The following FTO variants were observed in gnomAD, a reference collection of about 807,000 sequenced individuals.
The protein encoded by FTO is alpha-ketoglutarate-dependent dioxygenase FTO.
A neutral mutation model predicts 63.9 loss-of-function variants in FTO; 47 were observed. That is an observed-to-expected ratio of 0.74 (90% CI 0.58 to 0.94). The LOEUF (loss-of-function observed/expected upper bound fraction) is 0.94, where lower values mean the gene tolerates loss of function less well. Ranked by LOEUF, FTO falls within the 40% of genes least tolerant of loss-of-function variation. The pLI is 0.00. For synonymous variants in FTO, 207 were observed against 224.4 expected (o/e 0.92, Z 0.69); for missense variants, 562 against 618.1 (o/e 0.91, Z 0.96).
At chr16:53,971,475 T>C (rs1372536846) in intron 8 of FTO, among the ~76,000 whole-genome samples, 5 of 152,240 alleles carry the variant, frequency 3.3e-5, no homozygotes, top group Admixed American at 3.3e-4. Context: ...TGGACTTCAT[T>C]GATGTTTGAG....
chr16:53,957,239 A>G (rs2082951991), intron 8 of FTO, among the ~76,000 whole-genome samples: 1 of 152,244 alleles, frequency 6.6e-6, no homozygotes, highest in Non-Finnish European at 1.5e-5. Context: ...CATGGAGGCC[A>G]AGGTAATTAA....
intron 8 of FTO, among the ~76,000 whole-genome samples, chr16:54,040,895 G>T (rs543381820): frequency 3.9e-5 from 6 of 152,256 alleles, no homozygotes; most frequent in African/African-American, 1.4e-4. Context: ...TATGCCTAAG[G>T]TGTGTGTTTT....
intron 8 of FTO, among the ~76,000 whole-genome samples, chr16:54,078,898 A>T (rs956759245): frequency 2.5e-4 from 38 of 152,184 alleles, no homozygotes; most frequent in Non-Finnish European, 1.3e-4. Flanking sequence ...TTAAAAATTT[A>T]AAAAAATCTA....
At chr16:53,821,694 A>G (rs1044997770) in intron 2 of FTO, among the ~76,000 whole-genome samples, 4 of 152,080 alleles carry the variant, frequency 2.6e-5, no homozygotes, top group African/African-American at 9.7e-5. Context: ...TAGTAAAGTC[A>G]TTTTTTCACA....
At chr16:53,996,634 A>G (rs1374011783) in intron 8 of FTO, among the ~76,000 whole-genome samples, 1 of 152,124 alleles carries the variant, frequency 6.6e-6, no homozygotes, top group Admixed American at 6.5e-5. Flanking sequence ...TATGCTGCTG[A>G]TATGCCTGAG....
chr16:53,780,513 C>G (rs979240935), intron 1 of FTO, among the ~76,000 whole-genome samples: 2 of 152,122 alleles, frequency 1.3e-5, no homozygotes, highest in Non-Finnish European at 2.9e-5. Context: ...TCTGGGCTCA[C>G]TGTAACCACC....
At chr16:53,936,065 A>G (rs752262284) in intron 8 of FTO, among the ~76,000 whole-genome samples, 3 of 152,332 alleles carry the variant, frequency 2.0e-5, no homozygotes, top group Admixed American at 1.3e-4. Flanking sequence ...TAATACACCA[A>G]ATCATTAGAC....
At chr16:53,772,647 A>C (rs2077365740) in intron 1 of FTO, among the ~76,000 whole-genome samples, 1 of 152,156 alleles carries the variant, frequency 6.6e-6, no homozygotes, top group Non-Finnish European at 1.5e-5. Flanking sequence ...TGAGGAAGAC[A>C]TGGATTTCCT....
At chr16:53,851,313 G>A (rs2079788450) in intron 4 of FTO, among the ~76,000 whole-genome samples, 2 of 147,468 alleles carry the variant, frequency 1.4e-5, no homozygotes, top group Admixed American at 6.8e-5. Flanking sequence ...AAAAAAATTA[G>A]CCAGGTGTGG....
In FTO at chr16:53,984,973, T is replaced by C. The variant is rs576388738; in HGVS notation, c.1364+50864T>C. ...AGTGTTGGTAAGTAGAGAAATTACATTGTGTCCTCAGCTGCCATTGATGTC... is the reference window on the plus strand; with the variant it reads ...AGTGTTGGTAAGTAGAGAAATTACACTGTGTCCTCAGCTGCCATTGATGTC... On this transcript the variant is annotated intron_variant, in intron 8 of 8. Transcript: ENST00000471389. 367 of 455,180 alleles carry C rather than the reference T, an allele frequency of 8.1e-4. 2 individuals carry two copies. The highest frequency in any genetic ancestry group is 6.0e-3 in the African/African-American group (300 of 49,796). The allele number at this position is 455,180 out of a possible 1,614,324, so 28.2% of individuals were successfully genotyped here.
intron 1 of FTO, among the ~76,000 whole-genome samples, chr16:53,738,353 G>A (rs2076439943): frequency 6.6e-6 from 1 of 152,062 alleles, no homozygotes; most frequent in South Asian, 2.1e-4. Flanking sequence ...TGTTGCCTAG[G>A]CTGTTCTTGA....
At chr16:53,822,318 C>G (rs2151765011) in intron 2 of FTO, among the ~76,000 whole-genome samples, 1 of 152,254 alleles carries the variant, frequency 6.6e-6, no homozygotes. Context: ...CCTTCTTTTT[C>G]CTTCTAGCCT....
At position 54,112,127 on chromosome 16, in the gene FTO, A is replaced by G; in HGVS notation, c.*212A>G. 1 of 585,498 alleles carries G rather than the reference A, an allele frequency of 1.7e-6. No homozygotes were observed. Among genetic ancestry groups the G allele is most frequent in the Non-Finnish European group, 3.0e-6 (1 of 330,818 alleles). The allele number at this position is 585,498 out of a possible 1,614,324, so 36.3% of individuals were successfully genotyped here. ...ATAGTCTGATTTGGTGTTAAACAGG[A>G]CCTTCTTCCCCCAAAATTGTTCAGA... On this transcript the variant is annotated 3_prime_UTR_variant, in exon 9 of 9. Transcript: ENST00000471389.
intron 8 of FTO, among the ~76,000 whole-genome samples, chr16:54,009,515 G>A (rs2084289767): frequency 6.6e-6 from 1 of 152,110 alleles, no homozygotes; most frequent in Admixed American, 6.5e-5. Context: ...AAAAGGGAGT[G>A]AGAATTTACT....
At chr16:53,759,500 C>G (rs1002585522) in intron 1 of FTO, among the ~76,000 whole-genome samples, 1 of 151,854 alleles carries the variant, frequency 6.6e-6, no homozygotes, top group Non-Finnish European at 1.5e-5. Flanking sequence ...TCGAGACCAG[C>G]CTGGCCAACA....
At chr16:53,800,765 G>T (rs2078198857) in intron 1 of FTO, among the ~76,000 whole-genome samples, 1 of 151,810 alleles carries the variant, frequency 6.6e-6, no homozygotes. Context: ...ATTCCATTTT[G>T]TCTGATATCA....
intron 8 of FTO, among the ~76,000 whole-genome samples, chr16:54,054,305 C>T (rs934604384): frequency 1.3e-5 from 2 of 152,136 alleles, no homozygotes; most frequent in Non-Finnish European, 2.9e-5. Flanking sequence ...AATAGATCCT[C>T]AATTCAACTA....
chr16:54,118,817 G>A lies in FTO; in HGVS notation c.*6902G>A, dbSNP rs919277295. 7 of 152,110 alleles carry A rather than the reference G, an allele frequency of 4.6e-5. No homozygotes were observed. The highest frequency in any genetic ancestry group is 1.9e-4 in the East Asian group (1 of 5,184). The allele number at this position is 152,110 out of a possible 1,614,324, so 9.4% of individuals were successfully genotyped here. A position where few individuals can be genotyped will look rare whatever the true frequency, so the allele number is the denominator to read the frequency against. On this transcript the variant is annotated 3_prime_UTR_variant, in exon 9 of 9. Transcript: ENST00000471389. ...TCCCCATCCACACAGGTAAAACCACGACTGTGCAGCTAGCAGGTGGAGATA... is the reference window on the plus strand; with the variant it reads ...TCCCCATCCACACAGGTAAAACCACAACTGTGCAGCTAGCAGGTGGAGATA...
At chr16:53,897,551 C>T (rs1325676559) in intron 7 of FTO, among the ~76,000 whole-genome samples, 3 of 152,094 alleles carry the variant, frequency 2.0e-5, no homozygotes, top group Admixed American at 6.6e-5. Flanking sequence ...CAGAATTATG[C>T]GTCAGATGTT....
Sources: allele counts gnomAD v4.1 joint callset (sites outside exome capture counted in the v4.1 genomes callset), GRCh38; gene constraint gnomAD v4.1.1; transcripts MANE v1.5; gene names NCBI Gene and HGNC (gene_info 2026-07-23, HGNC 2026-07-21).